Variants in GTF3C3 observed in about 807,000 individuals in gnomAD.
GTF3C3 encodes general transcription factor 3C polypeptide 3.
GTF3C3 carries 75 observed loss-of-function variants against 105.2 expected under a neutral mutation model. The observed-to-expected ratio is 0.71, with a 90% CI of 0.59 to 0.86. The LOEUF is 0.86. GTF3C3 is among the 40% of genes least tolerant of loss of function. GTF3C3 has a pLI of 0.00. For missense variants in GTF3C3, 856 were observed against 1,076.5 expected (o/e 0.80, Z 2.87); for synonymous variants, 335 against 370.4 (o/e 0.90, Z 1.10).
chr2:196,793,864 C>G (rs2125751765), intron 2 of GTF3C3, among the ~76,000 whole-genome samples: 1 of 152,244 alleles, frequency 6.6e-6, no homozygotes, highest in Admixed American at 6.5e-5. Flanking sequence ...ATAATTATGA[C>G]TTTGAATTAT....
At chr2:196,792,820 TAAAC>T (rs1699574431) in intron 3 of GTF3C3, 132 bp downstream of exon 3, 6 of 659,360 alleles carry the variant, frequency 9.1e-6, no homozygotes, top group Non-Finnish European at 1.3e-5. Context: ...GGAAACATAA[TAAAC>T]AAATAACAAT....
At chr2:196,785,260 T>C (rs1418596078) in intron 7 of GTF3C3, among the ~76,000 whole-genome samples, 181 bp downstream of exon 7, 1 of 152,206 alleles carries the variant, frequency 6.6e-6, no homozygotes, top group Non-Finnish European at 1.5e-5. Flanking sequence ...ATATTTTTTA[T>C]TATGTAACTA....
At chr2:196,775,790 T>C (rs1003631039) in intron 12 of GTF3C3, among the ~76,000 whole-genome samples, 1 of 152,220 alleles carries the variant, frequency 6.6e-6, no homozygotes, top group Non-Finnish European at 1.5e-5. Context: ...TGGTGCTCAC[T>C]TTTCTAAATA....
intron 2 of GTF3C3, among the ~76,000 whole-genome samples, chr2:196,794,398 A>ATATATTTATGTTTATATCTCTCT (rs1178671907): frequency 1.3e-5 from 2 of 152,112 alleles, no homozygotes; most frequent in African/African-American, 4.8e-5. Flanking sequence ...ATATAGAGAG[A>ATATATTTATGTTTATATCTCTCT]TATATTTATG....
Position 196,776,605 on chromosome 2 carries a change from A to G in GTF3C3, c.1415T>C (p.Met472Thr). ...HAECLKALGYMERAAESYGKV... is the reference protein window; with the variant it reads ...HAECLKALGYTERAAESYGKV... ...GCCATAGCTTTCAGCAGCTCGCTCC[A>G]TATAGCCTAAGGCCTTTAAACATTC... Residue 472 changes from methionine to threonine, a missense_variant, in exon 11 of 18, where the codon ATG (methionine) becomes ACG (threonine). By Grantham distance (81) the Met-to-Thr change is moderately conservative. Around this residue, in one of 3 missense-constraint regions of GTF3C3, gnomAD observed 605 missense variants for 833.6 expected, o/e 0.73. Coordinates refer to ENST00000263956, the MANE Select transcript of GTF3C3 (RefSeq NM_012086.5). This position sits in a 1 kb window ranked among gnomAD's most constrained non-coding sequence, Gnocchi z 4.5. 6.2e-7 allele frequency: 1 copy of G among 1,614,058 alleles called. No homozygotes were observed. Among genetic ancestry groups the G allele is most frequent in the Non-Finnish European group, 8.5e-7 (1 of 1,179,892 alleles).
At chr2:196,775,444 A>T (rs1486653365) in intron 12 of GTF3C3, among the ~76,000 whole-genome samples, 193 bp from the exon 13 acceptor site, 6 of 152,198 alleles carry the variant, frequency 3.9e-5, no homozygotes, top group Non-Finnish European at 5.9e-5. Flanking sequence ...TTTTAAAGAA[A>T]ACCTATGGGT....
intron 2 of GTF3C3, 94 bp from the exon 3 acceptor site, chr2:196,793,246 T>A: frequency 1.2e-6 from 1 of 846,228 alleles, no homozygotes; most frequent in Non-Finnish European, 1.9e-6. Flanking sequence ...TTTACCCCAG[T>A]AACACCAAAT....
intron 1 of GTF3C3, 33 bp downstream of exon 1, chr2:196,799,477 A>G (rs746683661): frequency 2.0e-6 from 3 of 1,517,186 alleles, no homozygotes; most frequent in Non-Finnish European, 2.7e-6. Flanking sequence ...AGGCAACAAG[A>G]GTGAAGGGCA....
chr2:196,771,832 T>C lies in GTF3C3; in HGVS notation c.2176A>G (p.Met726Val). ...VRHHRFCLRL[M>V]LKNPENHALC... ...GCATGATTTTCTGGGTTTTTCAGCA[T>C]CAAACGGAGACAGAAGCGATGATGT... Residue 726 changes from methionine to valine, a missense_variant, in exon 15 of 18, where the codon ATG becomes GTG. By Grantham distance (21) the Met-to-Val change is conservative (BLOSUM62 1). Around this residue, in one of 3 missense-constraint regions of GTF3C3, gnomAD observed 605 missense variants for 833.6 expected, o/e 0.73. Coordinates refer to ENST00000263956, the MANE Select transcript of GTF3C3 (RefSeq NM_012086.5). 1.2e-6 allele frequency: 2 copies of C among 1,612,730 alleles called. No individual in the cohort carries two copies. The highest frequency in any genetic ancestry group is 8.5e-7 in the Non-Finnish European group (1 of 1,178,694).
At position 196,764,525 on chromosome 2, in the gene GTF3C3, A is replaced by C; in HGVS notation, c.*38T>G. On this transcript the variant is annotated 3_prime_UTR_variant, in exon 18 of 18. Coordinates refer to ENST00000263956, the MANE Select transcript of GTF3C3 (RefSeq NM_012086.5). ...TGAGACAGAAGACACTGGTCCTCAC[A>C]CAGCAGCTGCCATTGCTCTGTTCTC... 1 of 1,583,956 alleles carries C rather than the reference A, an allele frequency of 6.3e-7. No individual in the cohort carries two copies. The highest frequency in any genetic ancestry group is 8.6e-7 in the Non-Finnish European group (1 of 1,161,570).
chr2:196,783,747 T>A (rs928372352), intron 8 of GTF3C3, among the ~76,000 whole-genome samples: 1 of 152,136 alleles, frequency 6.6e-6, no homozygotes, highest in African/African-American at 2.4e-5. Flanking sequence ...TCTCCTCTAT[T>A]TTCCCATAAC....
intron 1 of GTF3C3, among the ~76,000 whole-genome samples, chr2:196,799,049 ATTAC>A (rs1699700194): frequency 6.6e-6 from 1 of 152,134 alleles, no homozygotes; most frequent in Non-Finnish European, 1.5e-5. Flanking sequence ...TTTATGGACT[ATTAC>A]TTCACACCAG....
intron 13 of GTF3C3, 42 bp from the exon 14 acceptor site, chr2:196,773,195 C>A: frequency 9.4e-7 from 1 of 1,061,632 alleles, no homozygotes; most frequent in South Asian, 1.4e-5. Flanking sequence ...CACTGTATTT[C>A]CAGAAATAGC....
intron 17 of GTF3C3, 93 bp from the exon 18 acceptor site, chr2:196,764,778 G>A (rs192624870): frequency 5.0e-5 from 57 of 1,130,168 alleles, no homozygotes; most frequent in Non-Finnish European, 7.6e-6. Flanking sequence ...GTGTAAGTAA[G>A]TTTTCAAAAG....
At position 196,763,173 on chromosome 2, in the gene GTF3C3, A is replaced by G. The variant is rs1183435972; in HGVS notation, c.*1390T>C. ...CACCATACTTAGCATACAGTAGCAG[A>G]GTAAAAACTCAGCAAATGGAAGCTA... On this transcript the variant is annotated 3_prime_UTR_variant, in exon 18 of 18. Coordinates refer to ENST00000263956, the MANE Select transcript of GTF3C3 (RefSeq NM_012086.5). 1 of 152,252 alleles carries G rather than the reference A, an allele frequency of 6.6e-6. No individual in the cohort carries two copies. Among genetic ancestry groups the G allele is most frequent in the East Asian group, 1.9e-4 (1 of 5,204 alleles). 9.4% of individuals were successfully genotyped at this position (152,252 alleles called of 1,614,324 possible). A position where few individuals can be genotyped will look rare whatever the true frequency, so the allele number is the denominator to read the frequency against.
chr2:196,796,654 C>T (rs536913634), intron 2 of GTF3C3, among the ~76,000 whole-genome samples: 60 of 152,308 alleles, frequency 3.9e-4, no homozygotes, highest in African/African-American at 1.3e-3. Flanking sequence ...TCCTGATGCT[C>T]TCCCTCCCGC....
chr2:196,787,262 A>C (rs919649932), intron 6 of GTF3C3, among the ~76,000 whole-genome samples: 3 of 152,230 alleles, frequency 2.0e-5, no homozygotes, highest in Admixed American at 2.0e-4. Flanking sequence ...ACTGGTCTCC[A>C]TGCTTCTGCC....
chr2:196,764,622 G>T lies in GTF3C3; in HGVS notation c.2602C>A (p.Gln868Lys). The change falls in exon 18 of 18, where the codon CAG becomes AAG. Residue 868 changes from glutamine (Q) to lysine (K), a missense_variant. Coordinates refer to ENST00000263956, the MANE Select transcript of GTF3C3 (RefSeq NM_012086.5). ...GCCATTCCGGTATTCCCACTGCTCTGATAGATGAGAGACAAGTTGTAGGCA... is the reference window on the plus strand; with the variant it reads ...GCCATTCCGGTATTCCCACTGCTCTTATAGATGAGAGACAAGTTGTAGGCA... ...DIAYNLSLIY[Q>K]SSGNTGMAQT... 6.2e-7 allele frequency: 1 copy of T among 1,612,414 alleles called. No individual in the cohort carries two copies. Among genetic ancestry groups the T allele is most frequent in the Non-Finnish European group, 8.5e-7 (1 of 1,178,502 alleles).
At chr2:196,792,694 G>A (rs1333356466) in intron 3 of GTF3C3, among the ~76,000 whole-genome samples, 5 of 152,086 alleles carry the variant, frequency 3.3e-5, no homozygotes, top group Non-Finnish European at 5.9e-5. Flanking sequence ...CTGAAGTGCT[G>A]CAGCCTTGAC....
Sources: gnomAD v4.1 joint callset for allele counts (sites outside exome capture counted in the v4.1 genomes callset) on GRCh38, gnomAD v4.1.1 for gene constraint, gnomAD v4.1.1 regional missense constraint, Gnocchi (gnomAD v3.1) non-coding constraint, MANE v1.5 for transcripts, NCBI Gene and HGNC (gene_info 2026-07-23, HGNC 2026-07-21) for gene names.